Variants in GNLY observed in about 807,000 individuals in gnomAD.
GNLY encodes T-cell activation protein 519.
In GNLY, 15 loss-of-function variants were observed where a neutral mutation model predicts 18.5. The ratio of observed to expected loss-of-function variants is 0.81; its 90% CI spans 0.54 to 1.25. The LOEUF is 1.25. Ranked by LOEUF, GNLY falls within the 50% of genes most tolerant of loss-of-function variation. The pLI, the probability that GNLY is intolerant of heterozygous loss-of-function variation, is 0.00. For missense variants in GNLY, 178 were observed against 186.9 expected, an observed-to-expected ratio of 0.95 and a Z score of 0.28; for synonymous variants, 77 against 74.9, an observed-to-expected ratio of 1.03 and a Z score of -0.14.
In GNLY at chr2:85,695,895, G is replaced by A. The variant is rs566986921; in HGVS notation, c.157-63G>A. 151 of 902,548 alleles carry A rather than the reference G, an allele frequency of 1.7e-4. 2 individuals are homozygous for A. In the South Asian group the frequency reaches 1.7e-3, roughly 10 times the overall value. 55.9% of individuals were successfully genotyped at this position (902,548 alleles called of 1,614,324 possible). A position where few individuals can be genotyped will look rare whatever the true frequency, so the allele number is the denominator to read the frequency against. ...CAGAAACACAAAGGGCCCCTTTCCT[G>A]GGCACTTTCACGCGCTCCCAGAGTG... is the stretch of plus-strand genomic sequence containing the variant. On this transcript the variant is annotated intron_variant, in intron 2 of 4. Coordinates refer to ENST00000263863, the MANE Select transcript of GNLY (RefSeq NM_006433.5).
intron 1 of GNLY, chr2:85,694,827 G>A: frequency 1.3e-6 from 2 of 1,507,008 alleles, no homozygotes; most frequent in Non-Finnish European, 1.8e-6. Flanking sequence ...GGCCTACACT[G>A]TCTAGGATTG....
At chr2:85,695,932 A>G (rs777594532) in intron 2 of GNLY, 26 bp from the exon 3 acceptor site, 1 of 1,393,914 alleles carries the variant, frequency 7.2e-7, no homozygotes, top group South Asian at 1.2e-5. Context: ...CTGAGAGACC[A>G]TCATAAGGGC....
intron 2 of GNLY, 106 bp from the exon 3 acceptor site, chr2:85,695,852 G>A (rs1022487925): frequency 2.9e-6 from 2 of 680,464 alleles, no homozygotes; most frequent in Non-Finnish European, 5.3e-6. Flanking sequence ...AAGAGATCAC[G>A]GACATTCCTG....
rs747286791 is a variant in GNLY, at chr2:85,695,399, G to A, written c.132G>A (p.Pro44=). 1.7e-5 allele frequency: 27 copies of A among 1,611,946 alleles called. No homozygotes were observed. In the South Asian group the frequency reaches 1.9e-4, roughly 11 times the overall value. Reference sequence around the variant, plus strand: ...TGCGTGATGAGGAGAAATCCTGCCCGTGCCTGGCCCAGGAGGGCCCCCAGG... The same window carrying A: ...TGCGTGATGAGGAGAAATCCTGCCCATGCCTGGCCCAGGAGGGCCCCCAGG... ...AHLRDEEKSC[P]CLAQEGPQGD... Residue 44 remains proline, a synonymous_variant, in exon 2 of 5, where the codon CCG becomes CCA. Coordinates refer to ENST00000263863, the MANE Select transcript of GNLY (RefSeq NM_006433.5).
chr2:85,698,815 C>T lies in GNLY; in HGVS notation c.*241C>T. The T allele has an allele frequency of 6.9e-7, 1 of 1,452,188 alleles. No individual in the cohort carries two copies. The highest frequency in any genetic ancestry group is 2.5e-5 in the East Asian group (1 of 39,348). The allele number at this position is 1,452,188 out of a possible 1,614,324, so 90.0% of individuals were successfully genotyped here. ...GGTGTCAGTGGCATGCTGGGGTGAGCTGTGTAGTCCTTCAATAAATGTCTG... is the reference window on the plus strand; with the variant it reads ...GGTGTCAGTGGCATGCTGGGGTGAGTTGTGTAGTCCTTCAATAAATGTCTG... On this transcript the variant is annotated 3_prime_UTR_variant, in exon 5 of 5. Coordinates refer to ENST00000263863, the MANE Select transcript of GNLY (RefSeq NM_006433.5).
intron 1 of GNLY, 159 bp downstream of exon 1, chr2:85,694,629 G>A: frequency 9.5e-7 from 1 of 1,056,350 alleles, no homozygotes. Context: ...TCAGAGCCAG[G>A]CTTAGTCCAG....
At chr2:85,694,664 C>T in intron 1 of GNLY, 194 bp downstream of exon 1, 4 of 1,218,260 alleles carry the variant, frequency 3.3e-6, no homozygotes, top group Non-Finnish European at 2.2e-6. Context: ...TGTCACTGGC[C>T]TGGCCAAGGA....
At chr2:85,696,537 C>CA (rs1678458995) in intron 3 of GNLY, 3 of 135,100 alleles carry the variant, frequency 2.2e-5, no homozygotes, top group Non-Finnish European at 5.0e-5. Flanking sequence ...GTTGTCAAAC[C>CA]CTTTTTTTTT....
Position 85,697,633 on chromosome 2 carries a change from C to T in GNLY, c.383C>T (p.Ala128Val), listed in dbSNP as rs780341712. 27 of 1,613,238 alleles carry T rather than the reference C, an allele frequency of 1.7e-5. No individual in the cohort carries two copies. The highest frequency in any genetic ancestry group is 2.1e-5 in the Non-Finnish European group (25 of 1,179,312). ...VTQGLVAGETAQQICEDLRLC... is the reference protein window; with the variant it reads ...VTQGLVAGETVQQICEDLRLC... ...CAGGGCCTCGTGGCCGGAGAAACTGCCCAGCAGATCTGTGAGGACCTCAGG... is the reference window on the plus strand; with the variant it reads ...CAGGGCCTCGTGGCCGGAGAAACTGTCCAGCAGATCTGTGAGGACCTCAGG... The change falls in exon 4 of 5, where the codon GCC becomes GTC. Residue 128 changes from alanine to valine, a missense_variant. By Grantham distance (64) the Ala-to-Val change is moderately conservative. Transcript: ENST00000263863.
chr2:85,695,072 G>C (rs1182880205), intron 1 of GNLY: 1 of 1,341,156 alleles, frequency 7.5e-7, no homozygotes, highest in African/African-American at 1.5e-5. Flanking sequence ...TGTGTTGCTG[G>C]GGGAACAGAG....
chr2:85,695,904 C>A, intron 2 of GNLY, 54 bp from the exon 3 acceptor site: 2 of 1,028,038 alleles, frequency 1.9e-6, no homozygotes, highest in East Asian at 2.4e-5. Flanking sequence ...TGGGCACTTT[C>A]ACGCGCTCCC....
intron 1 of GNLY, 25 bp downstream of exon 1, chr2:85,694,495 T>A: frequency 6.2e-7 from 1 of 1,609,548 alleles, no homozygotes; most frequent in Non-Finnish European, 8.5e-7. Flanking sequence ...TCGGGATCGA[T>A]CCTGATGGCC....
chr2:85,694,958 G>A (rs1484920540), intron 1 of GNLY: 2 of 1,592,248 alleles, frequency 1.3e-6, no homozygotes, highest in African/African-American at 2.7e-5. Context: ...AACACTTCTG[G>A]AAGGGAGAGT....
At position 85,698,626 on chromosome 2, in the gene GNLY, C is replaced by T. The variant is rs748816068; in HGVS notation, c.*52C>T. On this transcript the variant is annotated 3_prime_UTR_variant, in exon 5 of 5. Transcript: ENST00000263863. Reference sequence around the variant, plus strand: ...AGCACAGGCTCCTGTCCTCAGATCCCGGGAACCTCAGCAACCTCTGCCGGC... The same window carrying T: ...AGCACAGGCTCCTGTCCTCAGATCCTGGGAACCTCAGCAACCTCTGCCGGC... The T allele has an allele frequency of 1.2e-6, 2 of 1,612,716 alleles. No individual in the cohort carries two copies. The highest frequency in any genetic ancestry group is 1.6e-4 in the Middle Eastern group (1 of 6,062).
At position 85,698,558 on chromosome 2, in the gene GNLY, C is replaced by T. The variant is rs765449568; in HGVS notation, c.428-6C>T. On this transcript the variant is annotated splice_polypyrimidine_tract_variant and splice_region_variant and intron_variant, in intron 4 of 4. Transcript: ENST00000263863. Reference sequence around the variant, plus strand: ...TGCCCACAGCTGGCTGTTCTCTCCTCTCCAGGTCCCCTCTGAGCCCTCTCA... The same window carrying T: ...TGCCCACAGCTGGCTGTTCTCTCCTTTCCAGGTCCCCTCTGAGCCCTCTCA... The T allele has an allele frequency of 6.2e-6, 10 of 1,612,836 alleles. No homozygotes were observed. Among genetic ancestry groups the T allele is most frequent in the Non-Finnish European group, 8.5e-6 (10 of 1,179,188 alleles).
intron 3 of GNLY, chr2:85,697,112 A>AC (rs5832653): frequency 0.38 from 68,885 of 179,872 alleles, 14,285 homozygotes; most frequent in East Asian, 0.55. Context: ...CACACCTCCC[A>AC]CCCCACCAGT....
At chr2:85,696,141 G>C in intron 3 of GNLY, 85 bp downstream of exon 3, 1 of 732,442 alleles carries the variant, frequency 1.4e-6, no homozygotes, top group South Asian at 1.6e-5. Flanking sequence ...GGGGAGCCCG[G>C]GGGCACCTTG....
chr2:85,695,384 G>T lies in GNLY; in HGVS notation c.117G>T (p.Glu39Asp), dbSNP rs751625692. 1.5e-5 allele frequency: 24 copies of T among 1,613,694 alleles called. No individual in the cohort carries two copies. In the Admixed American group the frequency reaches 3.7e-4, roughly 25 times the overall value. ...YDLARAHLRDEEKSCPCLAQE... is the reference protein window; with the variant it reads ...YDLARAHLRDDEKSCPCLAQE... ...TGGCAAGAGCCCACCTGCGTGATGA[G>T]GAGAAATCCTGCCCGTGCCTGGCCC... Residue 39 changes from glutamate (E) to aspartate (D), a missense_variant, in exon 2 of 5, where the codon GAG becomes GAT. Glu to Asp is a conservative substitution (Grantham distance 45). Transcript: ENST00000263863.
Position 85,698,699 on chromosome 2 carries a change from A to T in GNLY, c.*125A>T, listed in dbSNP as rs1367318029. ...TCCACTCTCCAGTCTCCCTCCCCTG[A>T]CTCCCTCTGCTGTCCTCCCCTCTCA... On this transcript the variant is annotated 3_prime_UTR_variant, in exon 5 of 5. Coordinates refer to ENST00000263863, the MANE Select transcript of GNLY (RefSeq NM_006433.5). 6.3e-7 allele frequency: 1 copy of T among 1,593,654 alleles called. No homozygotes were observed. The highest frequency in any genetic ancestry group is 8.5e-7 in the Non-Finnish European group (1 of 1,173,392).
Sources: allele counts gnomAD v4.1 joint callset, GRCh38; gene constraint gnomAD v4.1.1; transcripts MANE v1.5; gene names NCBI Gene and HGNC (gene_info 2026-07-23, HGNC 2026-07-21).